The following RAP1GAP2 variants were observed in gnomAD, a reference collection of about 807,000 sequenced individuals.
The protein encoded by RAP1GAP2 is rap1 GTPase-activating protein 2.
A neutral mutation model predicts 95.0 loss-of-function variants in RAP1GAP2; 27 were observed. The ratio of observed to expected loss-of-function variants is 0.28; its 90% CI spans 0.21 to 0.39. RAP1GAP2 has a LOEUF of 0.39. Among genes scored for constraint, RAP1GAP2 ranks in the 10% least tolerant of loss-of-function variants. The probability of loss-of-function intolerance (pLI) is 1.00; values close to 1 mark genes in which losing one functional copy is unlikely to be tolerated. For synonymous variants in RAP1GAP2, 373 were observed against 380.9 expected, an observed-to-expected ratio of 0.98 and a Z score of 0.24; for missense variants, 771 against 970.0, an observed-to-expected ratio of 0.79 and a Z score of 2.72.
intron 2 of RAP1GAP2, among the ~76,000 whole-genome samples, chr17:2,898,945 G>A (rs116263584): frequency 1.5e-4 from 23 of 152,178 alleles, no homozygotes; most frequent in South Asian, 6.2e-4. Flanking sequence ...ATTAGCAGGA[G>A]TATTGATTAG....
chr17:2,935,618 A>G (rs2043283736), intron 3 of RAP1GAP2, among the ~76,000 whole-genome samples: 1 of 152,158 alleles, frequency 6.6e-6, no homozygotes, highest in African/African-American at 2.4e-5. Context: ...AATTAATTCT[A>G]TAAATCCAGT....
chr17:2,795,727 C>T (rs1231979433), upstream of RAP1GAP2, among the ~76,000 whole-genome samples: 1 of 152,176 alleles, frequency 6.6e-6, no homozygotes, highest in East Asian at 1.9e-4. Context: ...TGTCTGTGCA[C>T]GTGTCCAATG....
At chr17:2,981,146 G>A (rs771033235) in intron 9 of RAP1GAP2, 49 bp from the exon 10 acceptor site, 81 of 1,557,064 alleles carry the variant, frequency 5.2e-5, no homozygotes, top group Non-Finnish European at 6.2e-5. Flanking sequence ...GAGCCCAGAT[G>A]TCCTCTACAG....
chr17:2,794,587 T>C (rs2069017351), upstream of RAP1GAP2, among the ~76,000 whole-genome samples: 1 of 152,198 alleles, frequency 6.6e-6, no homozygotes, highest in Non-Finnish European at 1.5e-5. Context: ...GGGGACTAGC[T>C]GCCTTGGAGG....
At chr17:2,874,376 T>C (rs1341712459) in intron 2 of RAP1GAP2, among the ~76,000 whole-genome samples, 2 of 152,116 alleles carry the variant, frequency 1.3e-5, no homozygotes, top group Non-Finnish European at 2.9e-5. Context: ...TAGGGTAAGG[T>C]CTGGGTCTTT....
At chr17:2,850,032 G>A (rs535633648) in intron 2 of RAP1GAP2, among the ~76,000 whole-genome samples, 174 of 126,010 alleles carry the variant, frequency 1.4e-3, no homozygotes, top group African/African-American at 4.7e-3. Flanking sequence ...ATGGAGTCTC[G>A]CTCTGTTGCC....
intron 1 of RAP1GAP2, among the ~76,000 whole-genome samples, chr17:2,781,268 G>C (rs571351461): frequency 5.9e-4 from 90 of 152,352 alleles, no homozygotes; most frequent in African/African-American, 2.2e-3. Context: ...ATGGCAGCAG[G>C]CATGGGCACT....
chr17:2,839,867 C>T (rs1338120315), intron 2 of RAP1GAP2, among the ~76,000 whole-genome samples: 9 of 152,080 alleles, frequency 5.9e-5, no homozygotes, highest in African/African-American at 1.9e-4. Context: ...TGCGTGATCT[C>T]GGCTCACTGC....
At chr17:2,818,345 T>A (rs942019957) in intron 2 of RAP1GAP2, among the ~76,000 whole-genome samples, 2 of 132,066 alleles carry the variant, frequency 1.5e-5, no homozygotes, top group South Asian at 2.4e-4. Context: ...TTATTTATTT[T>A]TGAGACGGAG....
intron 2 of RAP1GAP2, among the ~76,000 whole-genome samples, chr17:2,834,243 T>C (rs1347146082): frequency 1.3e-5 from 2 of 152,176 alleles, no homozygotes; most frequent in African/African-American, 4.8e-5. Flanking sequence ...GTTCTTAAGA[T>C]GTAAGTTCTG....
chr17:3,006,211 C>G (rs187945345), intron 16 of RAP1GAP2, among the ~76,000 whole-genome samples, 170 bp downstream of exon 16: 46 of 150,666 alleles, frequency 3.1e-4, no homozygotes, highest in African/African-American at 1.1e-3. Flanking sequence ...TCACCACAAC[C>G]TCTGCCTCCC....
chr17:2,944,329 A>G (rs1459905266), intron 3 of RAP1GAP2, among the ~76,000 whole-genome samples: 2 of 152,148 alleles, frequency 1.3e-5, no homozygotes, highest in African/African-American at 2.4e-5. Context: ...TAAAAAGAGA[A>G]CTACCAACTT....
chr17:2,942,306 A>G (rs2043527239), intron 3 of RAP1GAP2, among the ~76,000 whole-genome samples: 1 of 152,164 alleles, frequency 6.6e-6, no homozygotes, highest in Non-Finnish European at 1.5e-5. Flanking sequence ...GACTTCCTAC[A>G]ACATTGCTTA....
intron 3 of RAP1GAP2, among the ~76,000 whole-genome samples, chr17:2,911,596 G>C (rs969741221): frequency 6.6e-6 from 1 of 151,258 alleles, no homozygotes; most frequent in Non-Finnish European, 1.5e-5. Context: ...TGACTGAGCC[G>C]GAGAAACCAG....
chr17:2,871,621 G>A lies in RAP1GAP2; in HGVS notation c.81-33663G>A, dbSNP rs559011326. ...CCAGCCACGGGGGTGCCAGCACGGC[G>A]TGTTGGGTGAGCACGTGGACCCTCA... On this transcript the variant is annotated intron_variant, in intron 2 of 24. Transcript: ENST00000254695. This position sits in a 1 kb window ranked among gnomAD's most constrained non-coding sequence, Gnocchi z 5.0. 9.8e-5 allele frequency among the ~76,000 whole-genome samples: 15 copies of A among 152,322 alleles called. No homozygotes were observed. In the East Asian group the frequency reaches 2.1e-3, roughly 22 times the overall value.
At chr17:2,805,754 A>ATGTATG (rs2069489374) in intron 2 of RAP1GAP2, among the ~76,000 whole-genome samples, 1 of 150,194 alleles carries the variant, frequency 6.7e-6, no homozygotes. Flanking sequence ...AGATGCGTGT[A>ATGTATG]TGTGTGTGTG....
intron 3 of RAP1GAP2, among the ~76,000 whole-genome samples, chr17:2,923,742 AG>A (rs1421744013): frequency 2.0e-5 from 3 of 152,226 alleles, no homozygotes; most frequent in Non-Finnish European, 4.4e-5. Flanking sequence ...CATATTATAA[AG>A]TTAAAGCAAT....
At chr17:2,916,811 C>T (rs1409436372) in intron 3 of RAP1GAP2, among the ~76,000 whole-genome samples, 4 of 152,172 alleles carry the variant, frequency 2.6e-5, no homozygotes, top group Non-Finnish European at 5.9e-5. Flanking sequence ...ACAGTCAGGG[C>T]TTCTCTCTAG....
intron 16 of RAP1GAP2, 56 bp from the exon 17 acceptor site, chr17:3,007,954 CA>C: frequency 6.3e-7 from 1 of 1,583,710 alleles, no homozygotes. Context: ...TCACAAGGAG[CA>C]GGCACATCTC....
Sources: allele counts gnomAD v4.1 joint callset (sites outside exome capture counted in the v4.1 genomes callset), GRCh38; gene constraint gnomAD v4.1.1; non-coding constraint Gnocchi (gnomAD v3.1); transcripts MANE v1.5; gene names NCBI Gene and HGNC (gene_info 2026-07-23, HGNC 2026-07-21).